Variants in CA10 observed in about 807,000 individuals in gnomAD.
CA10 encodes the protein carbonic anhydrase 10 (inactive), also known as carbonic anhydrase-related protein 10.
A neutral mutation model predicts 44.2 loss-of-function variants in CA10; 14 were observed. The ratio of observed to expected loss-of-function variants is 0.32; its 90% CI spans 0.21 to 0.50. CA10 has a LOEUF of 0.50. CA10 is among the 20% of genes least tolerant of loss of function. The pLI is 0.99. For missense variants in CA10, 350 were observed against 409.7 expected (o/e 0.85, Z 1.26); for synonymous variants, 159 against 141.6 (o/e 1.12, Z -0.87).
At chr17:51,777,894 T>G (rs1905892105) in intron 3 of CA10, among the ~76,000 whole-genome samples, 1 of 152,210 alleles carries the variant, frequency 6.6e-6, no homozygotes, top group African/African-American at 2.4e-5. Flanking sequence ...ATTGTGCCAC[T>G]GCACTCTAGC....
chr17:52,034,314 G>T (rs1380370288), intron 2 of CA10, among the ~76,000 whole-genome samples: 5 of 152,156 alleles, frequency 3.3e-5, no homozygotes, highest in African/African-American at 1.2e-4. Flanking sequence ...CTAAACTCAT[G>T]AAGTTGTATA....
chr17:51,942,683 A>G (rs957513867), intron 2 of CA10, among the ~76,000 whole-genome samples: 1 of 151,992 alleles, frequency 6.6e-6, no homozygotes, highest in African/African-American at 2.4e-5. Flanking sequence ...TTACTACAGT[A>G]TCTTACTAAA....
At chr17:52,115,803 GTT>G (rs1988883355) in intron 1 of CA10, among the ~76,000 whole-genome samples, 1 of 152,226 alleles carries the variant, frequency 6.6e-6, no homozygotes, top group Non-Finnish European at 1.5e-5. Context: ...GCAATTAAAA[GTT>G]TCTCTCAGCT....
intron 3 of CA10, among the ~76,000 whole-genome samples, chr17:51,835,415 G>A (rs931548660): frequency 6.6e-6 from 1 of 152,194 alleles, no homozygotes; most frequent in Non-Finnish European, 1.5e-5. Flanking sequence ...TGGAACTGTG[G>A]CCTGCTGACA....
At chr17:51,831,711 G>GCAGCAGCAGCAGCAGCAA (rs1908274288) in intron 3 of CA10, among the ~76,000 whole-genome samples, 6 of 102,356 alleles carry the variant, frequency 5.9e-5, no homozygotes, top group Admixed American at 2.9e-4. Context: ...AGCAGCAGCA[G>GCAGCAGCAGCAGCAGCAA]CAGCAGCAGC....
rs558167560 is a variant in CA10, at chr17:52,119,862, TC to T, written c.61+37863del. On this transcript the variant is annotated intron_variant, in intron 1 of 8. Coordinates refer to ENST00000451037, the MANE Select transcript of CA10 (RefSeq NM_020178.5). The stretch of plus-strand genomic sequence containing the variant: ...ACTCATTAGCTGTTTTAATTTTTTT[TC>T]CCCCACATTATAAGTTAACTCTGAT... Among the ~76,000 whole-genome samples the T allele has an allele frequency of 2.9e-4, 44 of 152,240 alleles. No individual in the cohort carries two copies. In the South Asian group the frequency reaches 5.2e-3, roughly 18 times the overall value.
In CA10 at chr17:51,878,908, G is replaced by GTA. The variant is rs1337187584; in HGVS notation, c.279+52081_279+52082insTA. ...TATATATATGGGTGTGTGTGTGTGT[G>GTA]TGTGTATGTGTGTATGTGTGTTTGT... On this transcript the variant is annotated intron_variant, in intron 3 of 8. Coordinates refer to ENST00000451037, the MANE Select transcript of CA10 (RefSeq NM_020178.5). Among the ~76,000 whole-genome samples the GTA allele has an allele frequency of 5.8e-5, 7 of 120,828 alleles. 1 individual carries two copies. The highest frequency in any genetic ancestry group is 5.3e-4 in the South Asian group (2 of 3,754). 79.3% of individuals were successfully genotyped at this position (120,828 alleles called of 152,430 possible).
intron 2 of CA10, among the ~76,000 whole-genome samples, chr17:51,936,507 G>A (rs748208443): frequency 4.6e-5 from 7 of 152,144 alleles, no homozygotes; most frequent in Non-Finnish European, 8.8e-5. Flanking sequence ...AAGGCAGAGC[G>A]AAAGTGAGCA....
intron 2 of CA10, among the ~76,000 whole-genome samples, chr17:52,009,730 A>G (rs1264130632): frequency 6.6e-6 from 1 of 152,096 alleles, no homozygotes; most frequent in African/African-American, 2.4e-5. Flanking sequence ...AGCAAATTCA[A>G]CAAAAACAAA....
intron 2 of CA10, among the ~76,000 whole-genome samples, chr17:52,040,635 G>A (rs932016082): frequency 6.6e-6 from 1 of 151,994 alleles, no homozygotes; most frequent in Non-Finnish European, 1.5e-5. Flanking sequence ...CTTATAAATG[G>A]CCCAGAGCAT....
intron 1 of CA10, among the ~76,000 whole-genome samples, chr17:52,130,766 T>C (rs1005251462): frequency 3.3e-5 from 5 of 151,994 alleles, no homozygotes; most frequent in Non-Finnish European, 5.9e-5. Context: ...GGCACTATCA[T>C]AGTTCACTAA....
intron 3 of CA10, among the ~76,000 whole-genome samples, chr17:51,904,375 C>T (rs1211042086): frequency 6.6e-6 from 1 of 151,996 alleles, no homozygotes; most frequent in Admixed American, 6.6e-5. Context: ...ACCCCTCTCC[C>T]ACCATTTTTC....
At chr17:51,775,056 G>A (rs540886730) in intron 3 of CA10, among the ~76,000 whole-genome samples, 1 of 152,070 alleles carries the variant, frequency 6.6e-6, no homozygotes, top group Non-Finnish European at 1.5e-5. Flanking sequence ...ACAAGGGACT[G>A]TTCCCAGAGA....
rs552548073 is a variant in CA10, at chr17:51,901,168, T to C, written c.279+29822A>G. ...TGTTCCTTTTTATATTTGATGTTAC[T>C]GTCCTTTGGATGGATTTCATTGCTT... On this transcript the variant is annotated intron_variant, in intron 3 of 8. Transcript: ENST00000451037. Among the ~76,000 whole-genome samples the C allele has an allele frequency of 2.6e-5, 4 of 152,274 alleles. No homozygotes were observed. In the East Asian group the frequency reaches 7.7e-4, roughly 29 times the overall value.
At chr17:52,063,574 G>A (rs182174873) in intron 2 of CA10, among the ~76,000 whole-genome samples, 4 of 152,186 alleles carry the variant, frequency 2.6e-5, no homozygotes, top group African/African-American at 9.6e-5. Context: ...TGCTCTATTG[G>A]TTCCTGTAAG....
chr17:52,005,682 T>C (rs559801091), intron 2 of CA10, among the ~76,000 whole-genome samples: 268 of 152,094 alleles, frequency 1.8e-3, no homozygotes, highest in African/African-American at 6.1e-3. Context: ...TTGTCTGCTA[T>C]GTTGATGTAA....
At chr17:52,148,817 T>C (rs1989643714) in intron 1 of CA10, among the ~76,000 whole-genome samples, 1 of 152,238 alleles carries the variant, frequency 6.6e-6, no homozygotes, top group Admixed American at 6.5e-5. Context: ...CAAAGACCAT[T>C]GCTGTTTTTT....
intron 3 of CA10, among the ~76,000 whole-genome samples, chr17:51,861,610 T>G (rs1293356548): frequency 6.6e-6 from 1 of 151,866 alleles, no homozygotes; most frequent in Non-Finnish European, 1.5e-5. Flanking sequence ...TATAGTTGTT[T>G]CAAAGGAGAC....
chr17:52,008,592 C>A (rs1362106089), intron 2 of CA10, among the ~76,000 whole-genome samples: 1 of 151,748 alleles, frequency 6.6e-6, no homozygotes, highest in Non-Finnish European at 1.5e-5. Context: ...AGAAGAAGGG[C>A]AATGTCATCT....
Sources: gnomAD v4.1 joint callset for allele counts (sites outside exome capture counted in the v4.1 genomes callset) on GRCh38, gnomAD v4.1.1 for gene constraint, MANE v1.5 for transcripts, NCBI Gene and HGNC (gene_info 2026-07-23, HGNC 2026-07-21) for gene names.